EDIL3: variants seen among roughly 807,000 people sequenced by gnomAD.
EDIL3 encodes the protein EGF like and discoidin domains 3.
EDIL3 carries 37 observed loss-of-function variants against 67.4 expected under a neutral mutation model. The ratio of observed to expected loss-of-function variants is 0.55; its 90% confidence interval spans 0.42 to 0.72. The LOEUF (loss-of-function observed/expected upper bound fraction) is 0.72. EDIL3 is among the 30% of genes least tolerant of loss of function. The pLI, the probability that EDIL3 is intolerant of heterozygous loss-of-function variation, is 0.00. For synonymous variants in EDIL3, 195 were observed against 196.3 expected (o/e 0.99, Z 0.05); for missense variants, 527 against 586.3 (o/e 0.90, Z 1.04).
At chr5:84,150,848 A>G (rs1748376728) in intron 4 of EDIL3, among the ~76,000 whole-genome samples, 1 of 152,210 alleles carries the variant, frequency 6.6e-6, no homozygotes, top group Non-Finnish European at 1.5e-5. Flanking sequence ...CTTTATTACT[A>G]TAGTAATAAC....
At chr5:84,343,396 T>C (rs1747164893) in intron 1 of EDIL3, among the ~76,000 whole-genome samples, 1 of 152,118 alleles carries the variant, frequency 6.6e-6, no homozygotes, top group Non-Finnish European at 1.5e-5. Context: ...GGTCTTTAAG[T>C]CCTTTTAAAC....
chr5:84,197,114 A>C (rs1743727222), intron 3 of EDIL3: 1 of 152,048 alleles, frequency 6.6e-6, no homozygotes, highest in African/African-American at 2.4e-5. Context: ...AGTACATGCC[A>C]TGTGTGAGGC....
intron 9 of EDIL3, among the ~76,000 whole-genome samples, chr5:83,965,570 C>G (rs991421246): frequency 5.9e-5 from 9 of 152,198 alleles, no homozygotes; most frequent in Admixed American, 5.2e-4. Flanking sequence ...TGAATTTCCT[C>G]AGGTCCTAAA....
intron 4 of EDIL3, among the ~76,000 whole-genome samples, chr5:84,166,419 T>C (rs756472982): frequency 5.9e-5 from 9 of 152,188 alleles, no homozygotes; most frequent in Non-Finnish European, 1.3e-4. Context: ...TCATGGGAGA[T>C]AGACTGCTAT....
intron 4 of EDIL3, among the ~76,000 whole-genome samples, chr5:84,160,969 T>C (rs1748602849): frequency 6.6e-6 from 1 of 151,918 alleles, no homozygotes; most frequent in Non-Finnish European, 1.5e-5. Flanking sequence ...ACAGTACCCA[T>C]TATGTAGTCT....
intron 1 of EDIL3, among the ~76,000 whole-genome samples, chr5:84,344,048 G>A (rs1348725485): frequency 2.0e-5 from 3 of 152,060 alleles, no homozygotes; most frequent in African/African-American, 7.2e-5. Context: ...TTTAAAAAAT[G>A]TTGCCTACCT....
intron 9 of EDIL3, among the ~76,000 whole-genome samples, chr5:83,983,687 G>A (rs1745009605): frequency 6.6e-6 from 1 of 151,012 alleles, no homozygotes; most frequent in Non-Finnish European, 1.5e-5. Flanking sequence ...TCAAAGAGTA[G>A]TAATGAGAAC....
chr5:84,209,145 T>C (rs1744057824), intron 3 of EDIL3, among the ~76,000 whole-genome samples: 1 of 151,422 alleles, frequency 6.6e-6, no homozygotes, highest in South Asian at 2.1e-4. Context: ...AAACACCGCA[T>C]GTTCTCACTC....
At chr5:84,103,869 A>G (rs1320950465) in intron 6 of EDIL3, among the ~76,000 whole-genome samples, 2 of 152,096 alleles carry the variant, frequency 1.3e-5, no homozygotes, top group Non-Finnish European at 1.5e-5. Context: ...ATAACTGGGT[A>G]TATACCCAAA....
intron 2 of EDIL3, among the ~76,000 whole-genome samples, chr5:84,241,514 G>T (rs1191827474): frequency 6.6e-6 from 1 of 152,004 alleles, no homozygotes; most frequent in East Asian, 1.9e-4. Context: ...TCCTAATTAT[G>T]CAAGCCTTAC....
chr5:84,144,131 T>G, intron 4 of EDIL3, among the ~76,000 whole-genome samples: 1 of 152,080 alleles, frequency 6.6e-6, no homozygotes, highest in East Asian at 1.9e-4. Flanking sequence ...AGTAATATAC[T>G]TTTTAAAAGG....
chr5:84,346,424 C>T (rs1747241361), intron 1 of EDIL3, among the ~76,000 whole-genome samples: 1 of 152,094 alleles, frequency 6.6e-6, no homozygotes, highest in Non-Finnish European at 1.5e-5. Context: ...ACAAAATGGA[C>T]TATGAGAGAT....
intron 1 of EDIL3, among the ~76,000 whole-genome samples, chr5:84,318,729 T>G (rs1746564720): frequency 6.6e-6 from 1 of 152,122 alleles, no homozygotes; most frequent in Non-Finnish European, 1.5e-5. Flanking sequence ...GTCAATACCA[T>G]TCAGGACATA....
At chr5:84,321,319 A>T (rs942282503) in intron 1 of EDIL3, among the ~76,000 whole-genome samples, 9 of 152,036 alleles carry the variant, frequency 5.9e-5, no homozygotes, top group Non-Finnish European at 1.2e-4. Context: ...GGATATAAGT[A>T]CTCTAAGCTC....
At chr5:83,996,568 C>T (rs1464284523) in intron 9 of EDIL3, among the ~76,000 whole-genome samples, 2 of 152,188 alleles carry the variant, frequency 1.3e-5, no homozygotes, top group Non-Finnish European at 2.9e-5. Flanking sequence ...GAGGAACCAG[C>T]ATGAGTTACT....
intron 2 of EDIL3, among the ~76,000 whole-genome samples, chr5:84,243,366 A>G (rs1580394922): frequency 6.6e-6 from 1 of 152,348 alleles, no homozygotes; most frequent in East Asian, 1.9e-4. Flanking sequence ...TGGAAGCCAG[A>G]GGCTGTGCTG....
intron 9 of EDIL3, among the ~76,000 whole-genome samples, chr5:83,981,589 T>C (rs1659903776): frequency 6.6e-6 from 1 of 152,060 alleles, no homozygotes; most frequent in Non-Finnish European, 1.5e-5. Flanking sequence ...ACTATATATT[T>C]AGTTTTTGTG....
At chr5:84,295,031 T>C (rs1234895815) in intron 1 of EDIL3, among the ~76,000 whole-genome samples, 1 of 152,150 alleles carries the variant, frequency 6.6e-6, no homozygotes, top group Non-Finnish European at 1.5e-5. Context: ...GGAGTATTTA[T>C]CTTGTTCCCA....
intron 7 of EDIL3, among the ~76,000 whole-genome samples, chr5:84,065,206 A>T (rs1011298244): frequency 2.0e-5 from 3 of 152,156 alleles, no homozygotes; most frequent in African/African-American, 7.2e-5. Context: ...CCTACTTAGT[A>T]TTCATACTTT....
Sources: gnomAD v4.1 joint callset for allele counts (sites outside exome capture counted in the v4.1 genomes callset) on GRCh38, gnomAD v4.1.1 for gene constraint, MANE v1.5 for transcripts, NCBI Gene and HGNC (gene_info 2026-07-23, HGNC 2026-07-21) for gene names.